The following IMMP2L variants were observed in gnomAD, a reference collection of about 807,000 sequenced individuals.
The protein encoded by IMMP2L is mitochondrial inner membrane protease subunit 2.
In IMMP2L, 18 loss-of-function variants were observed where a neutral mutation model predicts 19.3. That is an observed-to-expected ratio of 0.93 (90% CI 0.64 to 1.38). The LOEUF (loss-of-function observed/expected upper bound fraction) is 1.38, where lower values mean the gene tolerates loss of function less well. Ranked by LOEUF, IMMP2L falls within the 40% of genes most tolerant of loss-of-function variation. IMMP2L has a pLI of 0.00. For synonymous variants in IMMP2L, 76 were observed against 73.0 expected, an observed-to-expected ratio of 1.04 and a Z score of -0.21; for missense variants, 233 against 218.2, an observed-to-expected ratio of 1.07 and a Z score of -0.43.
At chr7:111,547,539 G>A (rs1054911964) in intron 1 of IMMP2L, among the ~76,000 whole-genome samples, 1 of 136,822 alleles carries the variant, frequency 7.3e-6, no homozygotes, top group Non-Finnish European at 1.6e-5. Context: ...TTTTTTGCTT[G>A]TTTTTTTTTA....
chr7:110,788,680 C>T (rs188496981), intron 5 of IMMP2L, among the ~76,000 whole-genome samples: 1 of 151,754 alleles, frequency 6.6e-6, no homozygotes, highest in East Asian at 1.9e-4. Context: ...TACAACAATG[C>T]CAAAATCGAA....
At chr7:110,978,485 G>C (rs1238600180) in intron 3 of IMMP2L, among the ~76,000 whole-genome samples, 3 of 151,764 alleles carry the variant, frequency 2.0e-5, no homozygotes, top group African/African-American at 7.3e-5. Flanking sequence ...TCCTTGTGGT[G>C]CCCATTACTA....
chr7:111,490,124 G>T (rs1329758700), intron 2 of IMMP2L, among the ~76,000 whole-genome samples: 40 of 147,158 alleles, frequency 2.7e-4, no homozygotes, highest in African/African-American at 8.0e-4. Context: ...TTTTAAGAGG[G>T]TCTCGCTCTG....
chr7:110,742,406 A>G (rs1398251295), intron 5 of IMMP2L, among the ~76,000 whole-genome samples: 1 of 152,186 alleles, frequency 6.6e-6, no homozygotes, highest in East Asian at 1.9e-4. Context: ...CATTATTAGA[A>G]ACAGGCAAAA....
chr7:110,735,480 A>G (rs1376963429), intron 5 of IMMP2L, among the ~76,000 whole-genome samples: 3 of 151,948 alleles, frequency 2.0e-5, no homozygotes, highest in Non-Finnish European at 4.4e-5. Context: ...CTTCAAAAGG[A>G]AGCCAGATGC....
intron 3 of IMMP2L, among the ~76,000 whole-genome samples, chr7:111,070,739 C>T (rs978159842): frequency 2.6e-5 from 4 of 152,104 alleles, no homozygotes; most frequent in African/African-American, 9.7e-5. Context: ...CCTTGGACAG[C>T]AGGTGTAGTA....
intron 4 of IMMP2L, among the ~76,000 whole-genome samples, chr7:110,889,002 G>T (rs1184932141): frequency 6.6e-6 from 1 of 152,172 alleles, no homozygotes; most frequent in African/African-American, 2.4e-5. Context: ...AAGTACATAG[G>T]TTCTGGAAAC....
At chr7:110,808,783 A>G (rs1801814054) in intron 5 of IMMP2L, among the ~76,000 whole-genome samples, 1 of 152,094 alleles carries the variant, frequency 6.6e-6, no homozygotes, top group Non-Finnish European at 1.5e-5. Flanking sequence ...GGAAACATAG[A>G]GACGTGAAAA....
chr7:110,835,559 G>C (rs1308145728), intron 5 of IMMP2L, among the ~76,000 whole-genome samples: 1 of 152,068 alleles, frequency 6.6e-6, no homozygotes, highest in African/African-American at 2.4e-5. Flanking sequence ...GACAATTAAA[G>C]TGTTTGGTTG....
At chr7:111,021,222 G>A (rs1826243102) in intron 3 of IMMP2L, among the ~76,000 whole-genome samples, 1 of 152,200 alleles carries the variant, frequency 6.6e-6, no homozygotes, top group Non-Finnish European at 1.5e-5. Flanking sequence ...AGACAAAACA[G>A]TTTCCATTAT....
At chr7:110,962,028 A>G (rs1383304009) in intron 4 of IMMP2L, among the ~76,000 whole-genome samples, 1 of 151,924 alleles carries the variant, frequency 6.6e-6, no homozygotes, top group African/African-American at 2.4e-5. Context: ...TTATACTAAA[A>G]CTCATTGAAC....
At chr7:111,398,202 G>C (rs556181546) in intron 3 of IMMP2L, among the ~76,000 whole-genome samples, 2 of 151,938 alleles carry the variant, frequency 1.3e-5, no homozygotes, top group Admixed American at 6.6e-5. Context: ...TGATATCCTT[G>C]ATCAACACAG....
At chr7:110,804,140 T>G (rs1801450836) in intron 5 of IMMP2L, among the ~76,000 whole-genome samples, 1 of 152,058 alleles carries the variant, frequency 6.6e-6, no homozygotes, top group South Asian at 2.1e-4. Flanking sequence ...GGATGTCCTC[T>G]TTGTTTATTA....
At chr7:110,942,928 C>T (rs1001726381) in intron 4 of IMMP2L, among the ~76,000 whole-genome samples, 1 of 151,896 alleles carries the variant, frequency 6.6e-6, no homozygotes, top group Non-Finnish European at 1.5e-5. Context: ...CAGTGTAATA[C>T]TTTATTATCA....
At chr7:111,230,199 G>A (rs886552388) in intron 3 of IMMP2L, among the ~76,000 whole-genome samples, 1 of 152,008 alleles carries the variant, frequency 6.6e-6, no homozygotes, top group African/African-American at 2.4e-5. Flanking sequence ...ATGAAAATGG[G>A]GAAGTTAGTG....
intron 2 of IMMP2L, among the ~76,000 whole-genome samples, chr7:111,506,307 C>G (rs1844895393): frequency 6.6e-6 from 1 of 151,998 alleles, no homozygotes; most frequent in East Asian, 1.9e-4. Context: ...TAAATTGACC[C>G]CATTTTAGTA....
chr7:111,428,535 A>T (rs1836313155), intron 3 of IMMP2L, among the ~76,000 whole-genome samples: 1 of 151,442 alleles, frequency 6.6e-6, no homozygotes, highest in African/African-American at 2.5e-5. Flanking sequence ...AAAATCTTTT[A>T]AAAACCTTTT....
At position 110,927,345 on chromosome 7, in the gene IMMP2L, C is replaced by T. The variant is rs548437255; in HGVS notation, c.305+36155G>A. 4.6e-4 allele frequency among the ~76,000 whole-genome samples: 70 copies of T among 152,178 alleles called. No homozygotes were observed. In the South Asian group the frequency reaches 5.2e-3, roughly 11 times the overall value. On this transcript the variant is annotated intron_variant, in intron 4 of 5. Transcript: ENST00000405709. ...TTGTGCGAAAGGCATAATAATGGCT[C>T]CCCAAAGCTGTCCATGACCTGATTC...
chr7:110,695,552 G>A (rs1793821997), intron 5 of IMMP2L, among the ~76,000 whole-genome samples: 1 of 151,924 alleles, frequency 6.6e-6, no homozygotes, highest in Admixed American at 6.6e-5. Context: ...TCAATAATGA[G>A]AATAATAAAG....
Sources: gnomAD v4.1 joint callset for allele counts (sites outside exome capture counted in the v4.1 genomes callset) on GRCh38, gnomAD v4.1.1 for gene constraint, MANE v1.5 for transcripts, NCBI Gene and HGNC (gene_info 2026-07-23, HGNC 2026-07-21) for gene names.